Variants in IL5RA observed in about 807,000 individuals in gnomAD.
IL5RA encodes interleukin-5 receptor subunit alpha.
In IL5RA, 49 loss-of-function variants were observed where a neutral mutation model predicts 50.0. The ratio of observed to expected loss-of-function variants is 0.98; its 90% confidence interval spans 0.78 to 1.24. IL5RA has a LOEUF of 1.24. Among genes scored for constraint, IL5RA ranks in the 50% most tolerant of loss-of-function variants. The pLI is 0.00. For synonymous variants in IL5RA, 202 were observed against 174.0 expected, an observed-to-expected ratio of 1.16 and a Z score of -1.26; for missense variants, 600 against 500.4, an observed-to-expected ratio of 1.20 and a Z score of -1.90.
chr3:3,103,980 A>G (rs1479930559), intron 3 of IL5RA, among the ~76,000 whole-genome samples: 12 of 152,302 alleles, frequency 7.9e-5, no homozygotes, highest in African/African-American at 7.2e-5. Flanking sequence ...AGCTCTGTCT[A>G]TATTGCATTG....
intron 1 of IL5RA, among the ~76,000 whole-genome samples, chr3:3,109,276 A>T (rs1172020736): frequency 6.6e-6 from 1 of 152,178 alleles, no homozygotes; most frequent in Non-Finnish European, 1.5e-5. Flanking sequence ...TTTTATATAC[A>T]ATGAAACAAT....
Position 3,070,055 on chromosome 3 carries a change from A to G in IL5RA, c.*170T>C. The G allele has an allele frequency of 1.7e-6, 1 of 575,790 alleles. No homozygotes were observed. The highest frequency in any genetic ancestry group is 2.6e-5 in the South Asian group (1 of 37,972). The allele number at this position is 575,790 out of a possible 1,614,324, so 35.7% of individuals were successfully genotyped here. A position where few individuals can be genotyped will look rare whatever the true frequency, so the allele number is the denominator to read the frequency against. On this transcript the variant is annotated 3_prime_UTR_variant, in exon 12 of 12. Coordinates refer to ENST00000446632, the MANE Select transcript of IL5RA (RefSeq NM_175726.4). The stretch of plus-strand genomic sequence containing the variant: ...GTAGGTGAGGCGATTTGGATGAAGC[A>G]TCCATACTTTTAAGAGATACAAGAC...
intron 11 of IL5RA, among the ~76,000 whole-genome samples, chr3:3,070,806 C>T (rs1343823925): frequency 6.6e-6 from 1 of 151,998 alleles, no homozygotes; most frequent in Non-Finnish European, 1.5e-5. Context: ...TGGTCTCGAA[C>T]TCTTGACCTT....
intron 9 of IL5RA, among the ~76,000 whole-genome samples, chr3:3,088,551 G>A (rs1702966182): frequency 6.6e-6 from 1 of 152,200 alleles, no homozygotes; most frequent in South Asian, 2.1e-4. Flanking sequence ...AGAGCTAGAT[G>A]TTGGCAGAGC....
chr3:3,090,506 G>A (rs1006378290), intron 9 of IL5RA, among the ~76,000 whole-genome samples: 12 of 150,712 alleles, frequency 8.0e-5, no homozygotes, highest in Middle Eastern at 6.9e-3. Flanking sequence ...TTGACTTGCC[G>A]GAAACACCTG....
In IL5RA at chr3:3,069,781, C is replaced by G. The variant is rs1413442637; in HGVS notation, c.*444G>C. On this transcript the variant is annotated 3_prime_UTR_variant, in exon 12 of 12. Coordinates refer to ENST00000446632, the MANE Select transcript of IL5RA (RefSeq NM_175726.4). ...CTTGAATCCAAGTTCATGGTTCACT[C>G]CAGGCTGATGCAAAATGCTTTCTTC... 6.2e-6 allele frequency: 1 copy of G among 160,534 alleles called. No individual in the cohort carries two copies. Among genetic ancestry groups the G allele is most frequent in the Admixed American group, 6.4e-5 (1 of 15,662 alleles). 9.9% of individuals were successfully genotyped at this position (160,534 alleles called of 1,614,324 possible). A position where few individuals can be genotyped will look rare whatever the true frequency, so the allele number is the denominator to read the frequency against.
intron 5 of IL5RA, 109 bp from the exon 6 acceptor site, chr3:3,098,399 A>C: frequency 2.2e-6 from 2 of 926,288 alleles, no homozygotes; most frequent in Non-Finnish European, 3.3e-6. Flanking sequence ...ACCAAAAAAT[A>C]ATCATCTTCA....
chr3:3,088,029 G>A (rs1418856783), intron 9 of IL5RA, among the ~76,000 whole-genome samples: 1 of 152,180 alleles, frequency 6.6e-6, no homozygotes, highest in African/African-American at 2.4e-5. Context: ...TGAAAAGGAT[G>A]GCAGTAAATG....
At chr3:3,100,471 C>T (rs1703591179) in intron 5 of IL5RA, among the ~76,000 whole-genome samples, 1 of 152,090 alleles carries the variant, frequency 6.6e-6, no homozygotes, top group South Asian at 2.1e-4. Context: ...TTTGCACCAA[C>T]CTAATATATA....
intron 9 of IL5RA, among the ~76,000 whole-genome samples, chr3:3,090,496 T>C (rs1194781874): frequency 3.3e-5 from 5 of 152,198 alleles, no homozygotes; most frequent in Non-Finnish European, 5.9e-5. Context: ...AATGCCTATG[T>C]TGACTTGCCG....
intron 8 of IL5RA, among the ~76,000 whole-genome samples, chr3:3,094,168 G>A (rs1188130165): frequency 5.3e-5 from 8 of 152,100 alleles, no homozygotes; most frequent in African/African-American, 1.2e-4. Context: ...TAAGTGTACA[G>A]CTTTGTGATA....
In IL5RA at chr3:3,085,095, T is replaced by A. The variant is rs181844994; in HGVS notation, c.994+7129A>T. 9.9e-5 allele frequency among the ~76,000 whole-genome samples: 15 copies of A among 151,952 alleles called. No homozygotes were observed. In the East Asian group the frequency reaches 1.9e-3, roughly 20 times the overall value. On this transcript the variant is annotated intron_variant, in intron 9 of 11. Coordinates refer to ENST00000446632, the MANE Select transcript of IL5RA (RefSeq NM_175726.4). ...CAGGCGTGAGGCAGTCCGCCCCCCC[T>A]GGTGGGAACAAATGGTGGGGCTGCC...
At chr3:3,080,066 G>C (rs1224740716) in intron 9 of IL5RA, among the ~76,000 whole-genome samples, 1 of 152,026 alleles carries the variant, frequency 6.6e-6, no homozygotes, top group East Asian at 1.9e-4. Flanking sequence ...CAAAAGTAGT[G>C]CCTTTTTGCT....
chr3:3,074,990 G>A (rs928060433), intron 10 of IL5RA, 124 bp from the exon 11 acceptor site: 27 of 645,124 alleles, frequency 4.2e-5, no homozygotes, highest in South Asian at 5.7e-5. Context: ...AAATCTTTAC[G>A]TACCAAGACT....
Position 3,095,384 on chromosome 3 carries a change from T to G in IL5RA, c.770A>C (p.Gln257Pro), listed in dbSNP as rs769664587. The change falls in exon 8 of 12, where the codon CAA becomes CCA. Residue 257 changes from glutamine to proline, a missense_variant. Gln to Pro is a moderately conservative substitution (Grantham distance 76). Coordinates refer to ENST00000446632, the MANE Select transcript of IL5RA (RefSeq NM_175726.4). ...AAAAGCAGACACTGGTTTCTCCCAT[T>G]GGATAGAGAGACGAGTTCCTTCAAT... Reference protein sequence around the residue: ...AEIEGTRLSIQWEKPVSAFPI... With the variant: ...AEIEGTRLSIPWEKPVSAFPI... The G allele has an allele frequency of 8.7e-6, 14 of 1,611,318 alleles. No individual in the cohort carries two copies. The highest frequency in any genetic ancestry group is 3.3e-4 in the Middle Eastern group (2 of 6,028).
intron 10 of IL5RA, 59 bp from the exon 11 acceptor site, chr3:3,074,925 A>T (rs993936122): frequency 1.4e-5 from 14 of 1,032,472 alleles, no homozygotes; most frequent in Middle Eastern, 2.1e-4. Flanking sequence ...GTCTCTAAAT[A>T]TCTACTCTAA....
At chr3:3,098,639 C>T (rs1388241600) in intron 5 of IL5RA, among the ~76,000 whole-genome samples, 3 of 152,144 alleles carry the variant, frequency 2.0e-5, no homozygotes, top group Non-Finnish European at 4.4e-5. Flanking sequence ...AACTCCTGAC[C>T]TCAAGTGATC....
chr3:3,097,118 G>A (rs373358398), intron 7 of IL5RA, among the ~76,000 whole-genome samples: 10 of 152,316 alleles, frequency 6.6e-5, no homozygotes, highest in African/African-American at 1.9e-4. Flanking sequence ...ATGTGAGAGC[G>A]CCTGATGAGT....
Position 3,095,313 on chromosome 3 carries a change from T to G in IL5RA, c.841A>C (p.Asn281His). The change falls in exon 8 of 12, where the codon AAT becomes CAT. Residue 281 changes from asparagine to histidine, a missense_variant. Asn to His is a moderately conservative substitution (Grantham distance 68). Transcript: ENST00000446632. The part of the protein sequence containing the change: ...DYEVKIHNTR[N>H]GYLQIEKLMT... ...TGAGTAATTACCTGCAAATATCCAT[T>G]CCTTGTATTGTGTATTTTTACTTCA... 1.9e-6 allele frequency: 3 copies of G among 1,596,632 alleles called. No individual in the cohort carries two copies. In the African/African-American group the frequency reaches 4.0e-5, roughly 21 times the overall value.
Sources: allele counts gnomAD v4.1 joint callset (sites outside exome capture counted in the v4.1 genomes callset), GRCh38; gene constraint gnomAD v4.1.1; transcripts MANE v1.5; gene names NCBI Gene and HGNC (gene_info 2026-07-23, HGNC 2026-07-21).